The following ERI3 variants were observed in gnomAD, a reference collection of about 807,000 sequenced individuals.
The protein encoded by ERI3 is ERI1 exoribonuclease 3.
In ERI3, 18 loss-of-function variants were observed where a neutral mutation model predicts 44.4. That is an observed-to-expected ratio of 0.41 (90% CI 0.28 to 0.60). The LOEUF is 0.60. Ranked by LOEUF, ERI3 falls within the 20% of genes least tolerant of loss-of-function variation. The pLI is 0.36. For synonymous variants in ERI3, 183 were observed against 164.8 expected, an observed-to-expected ratio of 1.11 and a Z score of -0.84; for missense variants, 294 against 435.5, an observed-to-expected ratio of 0.68 and a Z score of 2.89.
chr1:44,320,486 A>C (rs1411131063), intron 3 of ERI3, among the ~76,000 whole-genome samples: 1 of 152,228 alleles, frequency 6.6e-6, no homozygotes, highest in East Asian at 1.9e-4. Flanking sequence ...CCTGGTGTGC[A>C]AACAGGCTTG....
chr1:44,306,669 GT>G (rs1316634476), intron 6 of ERI3, among the ~76,000 whole-genome samples: 2 of 152,224 alleles, frequency 1.3e-5, no homozygotes, highest in African/African-American at 4.8e-5. Flanking sequence ...GCACGGGAAA[GT>G]TTTCATATAC....
rs181642564 is a variant in ERI3, at chr1:44,228,918, G to C, written c.932-7278C>G. 5.4e-4 allele frequency among the ~76,000 whole-genome samples: 83 copies of C among 152,342 alleles called. 1 individual carries two copies. The East Asian group carries it at 0.015, about 27-fold the overall frequency. On this transcript the variant is annotated intron_variant, in intron 8 of 8. Coordinates refer to ENST00000372257, the MANE Select transcript of ERI3 (RefSeq NM_024066.3). The surrounding 1 kb of genome is among the most constrained non-coding windows in gnomAD (Gnocchi z 4.3). ...CTTATCCAGACTCCCAGGCCTGGCA[G>C]GACATGTCAACGTCATTCAAACCCC... is the stretch of plus-strand genomic sequence containing the variant.
chr1:44,342,396 T>G (rs925878072), intron 2 of ERI3, among the ~76,000 whole-genome samples: 2 of 152,010 alleles, frequency 1.3e-5, no homozygotes, highest in African/African-American at 4.8e-5. Context: ...TTAAGCATAA[T>G]GGGACCCAGG....
chr1:44,326,004 T>C (rs999473818), intron 3 of ERI3, among the ~76,000 whole-genome samples: 5 of 152,218 alleles, frequency 3.3e-5, no homozygotes, highest in Non-Finnish European at 7.3e-5. Context: ...TAGATTCTCC[T>C]CTGCCTGAGC....
intron 2 of ERI3, among the ~76,000 whole-genome samples, chr1:44,348,399 T>C (rs1472775535): frequency 6.6e-6 from 1 of 152,182 alleles, no homozygotes; most frequent in Non-Finnish European, 1.5e-5. Flanking sequence ...GAGGAATCAA[T>C]TGCAAGGACA....
chr1:44,339,354 AAAAAG>A (rs769440222), intron 2 of ERI3, 32 bp from the exon 3 acceptor site: 5 of 1,491,466 alleles, frequency 3.4e-6, no homozygotes, highest in African/African-American at 2.8e-5. Flanking sequence ...AAAAAAAAAA[AAAAAG>A]AAAAGAAAGA....
At chr1:44,314,266 C>G (rs1266425047) in intron 4 of ERI3, among the ~76,000 whole-genome samples, 1 of 151,964 alleles carries the variant, frequency 6.6e-6, no homozygotes, top group Non-Finnish European at 1.5e-5. Flanking sequence ...CTCATGGTGA[C>G]TTACATGGAA....
rs573896298 is a variant in ERI3, at chr1:44,342,278, T to C, written c.212-2956A>G. ...GCATCCATGTCGGCTGGCAGTCTGATGTGGGGTGACACACGCAGGGTAAAA... is the reference window on the plus strand; with the variant it reads ...GCATCCATGTCGGCTGGCAGTCTGACGTGGGGTGACACACGCAGGGTAAAA... On this transcript the variant is annotated intron_variant, in intron 2 of 8. Transcript: ENST00000372257. 1.9e-4 allele frequency among the ~76,000 whole-genome samples: 29 copies of C among 152,240 alleles called. No individual in the cohort carries two copies. In the South Asian group the frequency reaches 3.9e-3, roughly 21 times the overall value.
chr1:44,256,511 T>C (rs1382547622), intron 7 of ERI3, among the ~76,000 whole-genome samples: 1 of 152,166 alleles, frequency 6.6e-6, no homozygotes, highest in Non-Finnish European at 1.5e-5. Flanking sequence ...GTGTGTACAG[T>C]GTTCTCCGGC....
intron 7 of ERI3, among the ~76,000 whole-genome samples, chr1:44,250,260 G>A (rs1247864737): frequency 2.0e-5 from 3 of 152,224 alleles, no homozygotes; most frequent in African/African-American, 7.2e-5. Flanking sequence ...CAGGGCTGCC[G>A]AGGCCCCTCC....
At position 44,248,160 on chromosome 1, in the gene ERI3, C is replaced by A. The variant is rs529570519; in HGVS notation, c.832-122G>T. 1.8e-5 allele frequency: 11 copies of A among 611,292 alleles called. No homozygotes were observed. In the East Asian group the frequency reaches 3.1e-4, roughly 17 times the overall value. 37.9% of individuals were successfully genotyped at this position (611,292 alleles called of 1,614,324 possible). ...AGGAATCCCTCTCATAATGCCATCT[C>A]GTGAGAGTCCCTTCTCCACCCAGGT... On this transcript the variant is annotated intron_variant, in intron 7 of 8. Transcript: ENST00000372257.
intron 4 of ERI3, among the ~76,000 whole-genome samples, chr1:44,316,086 A>G (rs1646082659): frequency 6.6e-6 from 1 of 151,836 alleles, no homozygotes. Flanking sequence ...GAACGAGACA[A>G]TTTTATCAAA....
chr1:44,229,160 G>A (rs1382340827), intron 8 of ERI3, among the ~76,000 whole-genome samples: 1 of 152,232 alleles, frequency 6.6e-6, no homozygotes, highest in Non-Finnish European at 1.5e-5. Flanking sequence ...AGAAGAGTCA[G>A]GGGCCAGGCT....
At chr1:44,233,538 G>GA (rs947064243) in intron 8 of ERI3, among the ~76,000 whole-genome samples, 3 of 151,906 alleles carry the variant, frequency 2.0e-5, no homozygotes, top group African/African-American at 7.3e-5. Context: ...AGAGTAGCTG[G>GA]GACTACAGGC....
rs1027312765 is a variant in ERI3, at chr1:44,235,407, C to T, written c.931+12532G>A. Among the ~76,000 whole-genome samples, 2 of 152,164 alleles carry T rather than the reference C, an allele frequency of 1.3e-5. No individual in the cohort carries two copies. Among genetic ancestry groups the T allele is most frequent in the African/African-American group, 4.8e-5 (2 of 41,436 alleles). On this transcript the variant is annotated intron_variant, in intron 8 of 8. Transcript: ENST00000372257. The surrounding 1 kb of genome is among the most constrained non-coding windows in gnomAD (Gnocchi z 4.6). ...CCCCATCCCGCCTTTGTGTTAGGAA[C>T]CTCTTCTGTGTGCTCCCACAGCAGC...
At chr1:44,315,793 C>T (rs1287450852) in intron 4 of ERI3, among the ~76,000 whole-genome samples, 1 of 152,214 alleles carries the variant, frequency 6.6e-6, no homozygotes, top group East Asian at 1.9e-4. Flanking sequence ...CTGTATTAAT[C>T]CCTCCAAGGA....
chr1:44,276,553 T>A (rs1012713987), intron 7 of ERI3, among the ~76,000 whole-genome samples: 1 of 152,204 alleles, frequency 6.6e-6, no homozygotes, highest in Non-Finnish European at 1.5e-5. Context: ...TGGCCATACC[T>A]TGGAATCTGC....
chr1:44,271,723 A>C (rs1046680992), intron 7 of ERI3, among the ~76,000 whole-genome samples: 8 of 152,202 alleles, frequency 5.3e-5, no homozygotes, highest in African/African-American at 1.9e-4. Context: ...CAAATGAAAA[A>C]AACCAAGGTT....
At chr1:44,324,729 G>A (rs962804076) in intron 3 of ERI3, among the ~76,000 whole-genome samples, 2 of 152,056 alleles carry the variant, frequency 1.3e-5, no homozygotes, top group Non-Finnish European at 2.9e-5. Flanking sequence ...TGATCCACCC[G>A]CTTCAGCCTC....
Sources: allele counts gnomAD v4.1 joint callset (sites outside exome capture counted in the v4.1 genomes callset), GRCh38; gene constraint gnomAD v4.1.1; non-coding constraint Gnocchi (gnomAD v3.1); transcripts MANE v1.5; gene names NCBI Gene and HGNC (gene_info 2026-07-23, HGNC 2026-07-21).